The following PAN3 variants were observed in gnomAD, a reference collection of about 807,000 sequenced individuals.
PAN3 encodes PAN2-PAN3 deadenylation complex subunit PAN3.
Under a neutral mutation model 96.2 loss-of-function variants are expected in PAN3, and 19 were observed. That is an observed-to-expected ratio of 0.20 (90% CI 0.14 to 0.29). The LOEUF (loss-of-function observed/expected upper bound fraction) is 0.29. Ranked by LOEUF, PAN3 falls within the 10% of genes least tolerant of loss-of-function variation. The pLI is 1.00. For synonymous variants in PAN3, 433 were observed against 406.6 expected, an observed-to-expected ratio of 1.06 and a Z score of -0.78; for missense variants, 882 against 1,108.1, an observed-to-expected ratio of 0.80 and a Z score of 2.90.
intron 1 of PAN3, among the ~76,000 whole-genome samples, chr13:28,169,060 G>T (rs1455252011): frequency 6.6e-6 from 1 of 151,986 alleles, no homozygotes; most frequent in Admixed American, 6.6e-5. Context: ...CATGGAAACA[G>T]TGTAGGATTT....
At chr13:28,145,252 CGTGTGTGT>C (rs112715236) in intron 1 of PAN3, among the ~76,000 whole-genome samples, 1 of 151,678 alleles carries the variant, frequency 6.6e-6, no homozygotes, top group Admixed American at 6.6e-5. Context: ...TTTGCACTTG[CGTGTGTGT>C]GTGTATGTGT....
At chr13:28,238,877 A>T (rs534486220) in intron 6 of PAN3, among the ~76,000 whole-genome samples, 1 of 151,990 alleles carries the variant, frequency 6.6e-6, no homozygotes, top group East Asian at 1.9e-4. Flanking sequence ...TTGTTATGGC[A>T]TATCTTGAAG....
At chr13:28,221,609 G>C (rs1881420331) in intron 6 of PAN3, among the ~76,000 whole-genome samples, 1 of 152,052 alleles carries the variant, frequency 6.6e-6, no homozygotes, top group Non-Finnish European at 1.5e-5. Flanking sequence ...ACCTTGTGTT[G>C]CTAAGGATTT....
intron 7 of PAN3, among the ~76,000 whole-genome samples, chr13:28,259,633 TTTTATTTA>T (rs897460475): frequency 4.6e-5 from 7 of 151,676 alleles, no homozygotes; most frequent in Non-Finnish European, 1.0e-4. Context: ...TAATTTTTTA[TTTTATTTA>T]TTTATTTATT....
intron 4 of PAN3, among the ~76,000 whole-genome samples, chr13:28,185,203 G>T (rs939464427): frequency 1.3e-5 from 2 of 151,950 alleles, no homozygotes; most frequent in Non-Finnish European, 2.9e-5. Context: ...TAACTGGTAG[G>T]CTTGAATGTT....
intron 6 of PAN3, among the ~76,000 whole-genome samples, chr13:28,222,791 T>C (rs1033063077): frequency 6.6e-6 from 1 of 152,210 alleles, no homozygotes; most frequent in African/African-American, 2.4e-5. Context: ...ATTATAGGTG[T>C]AACTCATTGA....
intron 5 of PAN3, among the ~76,000 whole-genome samples, chr13:28,217,306 G>T (rs1025206310): frequency 4.0e-5 from 6 of 151,856 alleles, no homozygotes; most frequent in African/African-American, 7.3e-5. Context: ...GGCAGGCTGG[G>T]CACAGTGGCT....
At chr13:28,186,397 C>A (rs376265076) in intron 4 of PAN3, among the ~76,000 whole-genome samples, 3 of 152,142 alleles carry the variant, frequency 2.0e-5, no homozygotes, top group East Asian at 3.8e-4. Context: ...CTCAGACTTA[C>A]TTTTATCATC....
intron 5 of PAN3, among the ~76,000 whole-genome samples, chr13:28,206,902 A>T (rs1390150572): frequency 6.6e-6 from 1 of 151,886 alleles, no homozygotes; most frequent in Non-Finnish European, 1.5e-5. Flanking sequence ...TGACTCCTGG[A>T]TACTTTTTTC....
chr13:28,291,330 G>C (rs555051769), intron 18 of PAN3, among the ~76,000 whole-genome samples: 1 of 152,056 alleles, frequency 6.6e-6, no homozygotes, highest in African/African-American at 2.4e-5. Flanking sequence ...ATAGACTAAG[G>C]ATCAGTATTT....
At chr13:28,179,235 A>G (rs1239094991) in intron 4 of PAN3, among the ~76,000 whole-genome samples, 1 of 152,234 alleles carries the variant, frequency 6.6e-6, no homozygotes, top group African/African-American at 2.4e-5. Context: ...TAGCAGTGTA[A>G]TAATAGAGTT....
intron 18 of PAN3, among the ~76,000 whole-genome samples, chr13:28,288,395 G>T (rs1869251367): frequency 6.6e-6 from 1 of 152,146 alleles, no homozygotes; most frequent in Non-Finnish European, 1.5e-5. Flanking sequence ...TGCCTCCCGG[G>T]TTCAAGTGAT....
At position 28,228,663 on chromosome 13, in the gene PAN3, A is replaced by C. The variant is rs1882241558; in HGVS notation, c.1000+8285A>C. Among the ~76,000 whole-genome samples, 3 of 152,300 alleles carry C rather than the reference A, an allele frequency of 2.0e-5. 1 individual carries two copies. The highest frequency in any genetic ancestry group is 6.8e-3 in the Middle Eastern group (2 of 294). On this transcript the variant is annotated intron_variant, in intron 6 of 18. Coordinates refer to ENST00000380958, the MANE Select transcript of PAN3 (RefSeq NM_175854.8). ...TGGGGGTACCTTTGAGAAAACAGTA[A>C]AATTAACAGTAAACAATAACATTAA...
rs1869451826 is a variant in PAN3 at position 28,289,590 on chromosome 13, G to T, written c.2523+1468G>T. On this transcript the variant is annotated intron_variant, in intron 18 of 18. Transcript: ENST00000380958. ...CCAGCAGCATTATGTTTTAGAAAAGGTTGGGAAAAGGCTAGGCGCAGTAGC... is the reference window on the plus strand; with the variant it reads ...CCAGCAGCATTATGTTTTAGAAAAGTTTGGGAAAAGGCTAGGCGCAGTAGC... 1.3e-5 allele frequency among the ~76,000 whole-genome samples: 2 copies of T among 152,072 alleles called. 1 individual carries two copies. Among genetic ancestry groups the T allele is most frequent in the South Asian group, 4.1e-4 (2 of 4,834 alleles).
intron 1 of PAN3, among the ~76,000 whole-genome samples, chr13:28,162,264 A>G (rs1323905452): frequency 6.6e-6 from 1 of 152,210 alleles, no homozygotes; most frequent in Non-Finnish European, 1.5e-5. Flanking sequence ...TGCTCATTCC[A>G]CAATCCGATA....
rs770648349 is a variant in PAN3, at chr13:28,267,416, C to G, written c.1792+15C>G. The G allele has an allele frequency of 1.9e-6, 3 of 1,578,350 alleles. No homozygotes were observed. The highest frequency in any genetic ancestry group is 2.2e-5 in the South Asian group (2 of 90,300). ...GAGAAAGTGGGGTAAGAAAAAGATG[C>G]AGGCAAACTATATTTTGACTAATGC... On this transcript the variant is annotated intron_variant, in intron 12 of 18. Coordinates refer to ENST00000380958, the MANE Select transcript of PAN3 (RefSeq NM_175854.8).
intron 14 of PAN3, among the ~76,000 whole-genome samples, chr13:28,276,981 A>G (rs1369973490): frequency 6.6e-6 from 1 of 152,184 alleles, no homozygotes; most frequent in Non-Finnish European, 1.5e-5. Context: ...ACCTAGAACT[A>G]CCTTCATCAG....
chr13:28,294,799 T>C lies in PAN3; in HGVS notation c.*2277T>C, dbSNP rs1242995668. 2.0e-5 allele frequency: 3 copies of C among 152,348 alleles called. No individual in the cohort carries two copies. Among genetic ancestry groups the C allele is most frequent in the South Asian group, 2.1e-4 (1 of 4,834 alleles). 9.4% of individuals were successfully genotyped at this position (152,348 alleles called of 1,614,324 possible). On this transcript the variant is annotated 3_prime_UTR_variant, in exon 19 of 19. Transcript: ENST00000380958. ...AATAAATATTGTCAGCCAGAAAAGG[T>C]TGGTGTCAGGTAATGCATATTTTTT...
chr13:28,183,526 T>C (rs1876071292), intron 4 of PAN3, among the ~76,000 whole-genome samples: 2 of 152,188 alleles, frequency 1.3e-5, no homozygotes, highest in African/African-American at 4.8e-5. Context: ...AGATATGTTT[T>C]CCTTTGGAAA....
Sources: gnomAD v4.1 joint callset for allele counts (sites outside exome capture counted in the v4.1 genomes callset) on GRCh38, gnomAD v4.1.1 for gene constraint, MANE v1.5 for transcripts, NCBI Gene and HGNC (gene_info 2026-07-23, HGNC 2026-07-21) for gene names.